The following TRIP4 variants were observed in gnomAD, a reference collection of about 807,000 sequenced individuals.
TRIP4 encodes thyroid hormone receptor interactor 4, also known as activating signal cointegrator 1.
In TRIP4, 54 loss-of-function variants were observed where a neutral mutation model predicts 81.8. The observed-to-expected ratio is 0.66, with a 90% CI of 0.53 to 0.83. The LOEUF is 0.83. Ranked by LOEUF, TRIP4 falls within the 40% of genes least tolerant of loss-of-function variation. The probability of loss-of-function intolerance (pLI) is 0.00; values close to 1 mark genes in which losing one functional copy is unlikely to be tolerated. For synonymous variants in TRIP4, 270 were observed against 242.8 expected (o/e 1.11, Z -1.04); for missense variants, 662 against 683.6 (o/e 0.97, Z 0.35).
At chr15:64,446,406 A>ATTTTTT (rs1429155524) in intron 12 of TRIP4, among the ~76,000 whole-genome samples, 1 of 134,466 alleles carries the variant, frequency 7.4e-6, no homozygotes, top group African/African-American at 2.8e-5. Flanking sequence ...CCTTTTTAAC[A>ATTTTTT]TTTTTTTTTT....
rs1444659677 is a variant in TRIP4, at chr15:64,418,728, G to A, written c.1358G>A (p.Arg453Lys). 6.2e-6 allele frequency: 10 copies of A among 1,602,382 alleles called. No homozygotes were observed. In the African/African-American group the frequency reaches 1.1e-4, roughly 17 times the overall value. The change falls in exon 9 of 13, where the codon AGG (arginine) becomes AAG (lysine). Residue 453 changes from arginine to lysine, a missense_variant and splice_region_variant. Transcript: ENST00000261884. ...TCTCTGCTTGTCAGAGGGATTAAAA[G>A]GTAAGAATAAAAATGAATCTGGGCA... ...WASLLVRGIK[R>K]VEGRSWYTPH... is the part of the protein sequence containing the mutation.
Position 64,414,760 on chromosome 15 carries a change from A to G in TRIP4, c.1170+549A>G, listed in dbSNP as rs147944233. Among the ~76,000 whole-genome samples, 1,405 of 151,868 alleles carry G rather than the reference A, an allele frequency of 9.3e-3. 19 individuals are homozygous for G. Among genetic ancestry groups the G allele is most frequent in the African/African-American group, 0.032 (1,326 of 41,428 alleles). Reference sequence around the variant, plus strand: ...TCTAGATCTCCTGACCTCGTGATCTACCTGCCTCAACCTCCCAAAGTGCCC... The same window carrying G: ...TCTAGATCTCCTGACCTCGTGATCTGCCTGCCTCAACCTCCCAAAGTGCCC... On this transcript the variant is annotated intron_variant, in intron 8 of 12. Coordinates refer to ENST00000261884, the MANE Select transcript of TRIP4 (RefSeq NM_016213.5).
chr15:64,424,416 T>C, intron 10 of TRIP4: 1 of 397,044 alleles, frequency 2.5e-6, no homozygotes. Flanking sequence ...TCATCTTCTT[T>C]ACTCTAAAGG....
intron 12 of TRIP4, among the ~76,000 whole-genome samples, chr15:64,449,329 C>T (rs528095732): frequency 6.7e-6 from 1 of 150,058 alleles, no homozygotes; most frequent in African/African-American, 2.4e-5. Flanking sequence ...ACCTAGCCAC[C>T]CTTTACAGAT....
intron 8 of TRIP4, among the ~76,000 whole-genome samples, chr15:64,414,673 C>T (rs528653298): frequency 6.6e-6 from 1 of 151,706 alleles, no homozygotes; most frequent in East Asian, 1.9e-4. Flanking sequence ...CCCGCTACCA[C>T]GCCCAGCGAA....
In TRIP4 at chr15:64,455,060, T is replaced by C; in HGVS notation, c.1742T>C (p.Val581Ala). ...GGGTTAATGAAGCAGAATAAAGCTG[T>C]CTGACCCAGGAGAAAAGGAACTATA... ...KKGLMKQNKA[V>A] Residue 581 changes from valine (V) to alanine (A), a missense_variant, in exon 13 of 13, where the codon GTC (valine) becomes GCC (alanine). Physicochemically the swap from Val to Ala is moderately conservative, Grantham distance 64 (BLOSUM62 0). Coordinates refer to ENST00000261884, the MANE Select transcript of TRIP4 (RefSeq NM_016213.5). 1 of 1,614,052 alleles carries C rather than the reference T, an allele frequency of 6.2e-7. No homozygotes were observed. Among genetic ancestry groups the C allele is most frequent in the East Asian group, 2.2e-5 (1 of 44,854 alleles).
chr15:64,415,094 C>CA (rs963919878), intron 8 of TRIP4, among the ~76,000 whole-genome samples: 77 of 112,584 alleles, frequency 6.8e-4, no homozygotes, highest in South Asian at 8.5e-4. Flanking sequence ...GACCCTGTCT[C>CA]AAAAAAAAAA....
At chr15:64,415,156 C>T (rs1381947359) in intron 8 of TRIP4, among the ~76,000 whole-genome samples, 1 of 151,376 alleles carries the variant, frequency 6.6e-6, no homozygotes, top group Non-Finnish European at 1.5e-5. Context: ...GAAAAAAATT[C>T]CAGGCAGAAT....
chr15:64,450,302 T>C (rs905907789), intron 12 of TRIP4, among the ~76,000 whole-genome samples: 6 of 141,874 alleles, frequency 4.2e-5, no homozygotes, highest in African/African-American at 1.6e-4. Context: ...GGCAGGAGAA[T>C]GGCGTGAACC....
chr15:64,407,555 T>A (rs1275961085), intron 6 of TRIP4, among the ~76,000 whole-genome samples: 1 of 151,938 alleles, frequency 6.6e-6, no homozygotes, highest in East Asian at 1.9e-4. Context: ...TAGTCCCAGG[T>A]ACTCGGGAGG....
At chr15:64,424,364 A>G in intron 10 of TRIP4, 2 of 592,644 alleles carry the variant, frequency 3.4e-6, no homozygotes, top group Non-Finnish European at 5.4e-6. Context: ...TCAATTTCCA[A>G]CACAAGAAAT....
chr15:64,418,850 T>C (rs1432050875), intron 9 of TRIP4, 122 bp downstream of exon 9: 8 of 913,278 alleles, frequency 8.8e-6, no homozygotes, highest in Non-Finnish European at 1.1e-5. Flanking sequence ...CTTCAATAAA[T>C]AGAACTTTGA....
At chr15:64,390,204 G>A (rs535453088) in intron 1 of TRIP4, among the ~76,000 whole-genome samples, 22 of 150,636 alleles carry the variant, frequency 1.5e-4, no homozygotes, top group Admixed American at 3.3e-4. Flanking sequence ...GTTCATGTGT[G>A]TAATCTAAGC....
chr15:64,400,379 G>A (rs1596338185), intron 4 of TRIP4, among the ~76,000 whole-genome samples: 1 of 151,206 alleles, frequency 6.6e-6, no homozygotes, highest in African/African-American at 2.4e-5. Context: ...TGGCCATGTT[G>A]CCCAGGCTGG....
At chr15:64,454,458 T>G (rs1253210065) in intron 12 of TRIP4, among the ~76,000 whole-genome samples, 2 of 152,188 alleles carry the variant, frequency 1.3e-5, no homozygotes, top group African/African-American at 2.4e-5. Flanking sequence ...GCCTATGACC[T>G]TTAACCTTCT....
intron 9 of TRIP4, among the ~76,000 whole-genome samples, chr15:64,420,089 T>C (rs1455156629): frequency 1.3e-5 from 2 of 151,846 alleles, no homozygotes; most frequent in Non-Finnish European, 2.9e-5. Flanking sequence ...GCTGGGATTA[T>C]AGGTGTGAGC....
chr15:64,450,393 GAAAAAAAA>G (rs1005400086), intron 12 of TRIP4, among the ~76,000 whole-genome samples: 1 of 46,944 alleles, frequency 2.1e-5, no homozygotes, highest in Non-Finnish European at 4.7e-5. Context: ...CGTCTCAAAA[GAAAAAAAA>G]AAAAAAAAAA....
At chr15:64,392,221 C>T (rs1422757723) in intron 1 of TRIP4, among the ~76,000 whole-genome samples, 7 of 151,982 alleles carry the variant, frequency 4.6e-5, no homozygotes, top group Admixed American at 3.9e-4. Context: ...TCGCTTGAAC[C>T]TGGGAGATGG....
At chr15:64,405,510 C>T (rs1416040679) in intron 5 of TRIP4, among the ~76,000 whole-genome samples, 2 of 152,162 alleles carry the variant, frequency 1.3e-5, no homozygotes, top group African/African-American at 4.8e-5. Flanking sequence ...CTCTGAACTT[C>T]AGTTACTTTA....
Sources: gnomAD v4.1 joint callset for allele counts (sites outside exome capture counted in the v4.1 genomes callset) on GRCh38, gnomAD v4.1.1 for gene constraint, MANE v1.5 for transcripts, NCBI Gene and HGNC (gene_info 2026-07-23, HGNC 2026-07-21) for gene names.